SYT14: variants seen among roughly 807,000 people sequenced by gnomAD.
The protein encoded by SYT14 is synaptotagmin 14.
A neutral mutation model predicts 74.2 loss-of-function variants in SYT14; 32 were observed. The ratio of observed to expected loss-of-function variants is 0.43; its 90% CI spans 0.33 to 0.58. The LOEUF (loss-of-function observed/expected upper bound fraction) is 0.58, where lower values mean the gene tolerates loss of function less well. Ranked by LOEUF, SYT14 falls within the 20% of genes least tolerant of loss-of-function variation. SYT14 has a pLI of 0.05. For synonymous variants in SYT14, 298 were observed against 337.7 expected, an observed-to-expected ratio of 0.88 and a Z score of 1.29; for missense variants, 791 against 981.8, an observed-to-expected ratio of 0.81 and a Z score of 2.60.
intron 7 of SYT14, among the ~76,000 whole-genome samples, chr1:210,120,626 A>G (rs1165621129): frequency 1.3e-5 from 2 of 152,010 alleles, no homozygotes; most frequent in Non-Finnish European, 2.9e-5. Flanking sequence ...GTGTAAGTAC[A>G]CTCTATGATG....
rs1329438338 is a variant in SYT14, at chr1:210,157,328, G to A, written c.2224+1418G>A. 6.6e-5 allele frequency among the ~76,000 whole-genome samples: 10 copies of A among 151,934 alleles called. No homozygotes were observed. The East Asian group carries it at 1.6e-3, about 24-fold the overall frequency. ...ATGGTGGCTTGAGACTGTAGTGCCA[G>A]CTACTCAGGAGGGTGAGGTGGAAGG... On this transcript the variant is annotated intron_variant, in intron 8 of 9. Transcript: ENST00000637265.
chr1:210,031,121 G>A (rs1277881937), intron 5 of SYT14, among the ~76,000 whole-genome samples: 1 of 132,058 alleles, frequency 7.6e-6, no homozygotes, highest in East Asian at 2.3e-4. Flanking sequence ...GGTAGAGATT[G>A]GGGGTTTCTC....
At chr1:209,997,631 T>G (rs891359445) in intron 2 of SYT14, among the ~76,000 whole-genome samples, 6 of 152,066 alleles carry the variant, frequency 3.9e-5, no homozygotes, top group African/African-American at 1.4e-4. Flanking sequence ...AAATTTCGTA[T>G]GGAACGTTGG....
chr1:210,026,679 A>C (rs930381282), intron 5 of SYT14, among the ~76,000 whole-genome samples: 2 of 151,594 alleles, frequency 1.3e-5, no homozygotes, highest in African/African-American at 4.8e-5. Context: ...TGTTATAGCT[A>C]TATCACAAAC....
At chr1:210,146,396 C>T (rs2083035677) in intron 7 of SYT14, among the ~76,000 whole-genome samples, 1 of 151,990 alleles carries the variant, frequency 6.6e-6, no homozygotes, top group South Asian at 2.1e-4. Context: ...GAAGTCTGGT[C>T]ACAAATAAAA....
chr1:210,160,756 A>G (rs1486178569), exon 10 of SYT14: 8 of 1,613,778 alleles, frequency 5.0e-6, no homozygotes, highest in Non-Finnish European at 8.5e-7. Flanking sequence ...ACTCTACTGA[A>G]TTCCATGGGT....
chr1:210,036,396 C>T (rs2080662928), intron 5 of SYT14, among the ~76,000 whole-genome samples: 1 of 151,958 alleles, frequency 6.6e-6, no homozygotes, highest in Non-Finnish European at 1.5e-5. Context: ...ATTTGACTTA[C>T]TATTTTCCAG....
intron 9 of SYT14, 110 bp downstream of exon 8, chr1:210,159,587 A>G: frequency 2.3e-6 from 2 of 886,702 alleles, no homozygotes; most frequent in South Asian, 2.9e-5. Flanking sequence ...AAAACAATGC[A>G]CATTTATTAT....
chr1:210,104,161 G>A (rs2082119363), intron 7 of SYT14, among the ~76,000 whole-genome samples: 1 of 152,222 alleles, frequency 6.6e-6, no homozygotes, highest in Non-Finnish European at 1.5e-5. Context: ...AAATAGCTCT[G>A]CTGATGCAGA....
At chr1:210,022,292 A>G (rs560646167) in intron 5 of SYT14, among the ~76,000 whole-genome samples, 11 of 152,238 alleles carry the variant, frequency 7.2e-5, no homozygotes, top group Admixed American at 5.2e-4. Flanking sequence ...TATGTCTGCT[A>G]GTACACAGAT....
At chr1:210,070,657 C>T (rs2081375406) in intron 5 of SYT14, among the ~76,000 whole-genome samples, 2 of 152,030 alleles carry the variant, frequency 1.3e-5, no homozygotes, top group South Asian at 4.1e-4. Flanking sequence ...AAACAAATGC[C>T]CGTTGTTTAC....
intron 7 of SYT14, among the ~76,000 whole-genome samples, chr1:210,125,904 G>A (rs1256901155): frequency 6.6e-6 from 1 of 152,080 alleles, no homozygotes; most frequent in Non-Finnish European, 1.5e-5. Context: ...GTGGAAAGAG[G>A]TAAAGAAAGG....
At chr1:210,065,848 G>A (rs1205510043) in intron 5 of SYT14, among the ~76,000 whole-genome samples, 1 of 151,434 alleles carries the variant, frequency 6.6e-6, no homozygotes, top group South Asian at 2.1e-4. Context: ...TTAGCATTAG[G>A]TATATCTCCT....
At chr1:210,141,069 G>A (rs34633473) in intron 7 of SYT14, among the ~76,000 whole-genome samples, 2,489 of 150,132 alleles carry the variant, frequency 0.017, 32 homozygotes, top group Non-Finnish European at 0.027. Context: ...AAAAAAGAAG[G>A]CCATAGCAAT....
intron 5 of SYT14, among the ~76,000 whole-genome samples, chr1:210,036,642 A>C (rs1320469472): frequency 1.3e-5 from 2 of 151,992 alleles, no homozygotes; most frequent in Non-Finnish European, 2.9e-5. Context: ...TATCATGAAG[A>C]GATGCTGAAT....
At chr1:210,034,051 A>G (rs1333327105) in intron 5 of SYT14, among the ~76,000 whole-genome samples, 1 of 151,872 alleles carries the variant, frequency 6.6e-6, no homozygotes, top group Non-Finnish European at 1.5e-5. Context: ...CAATAGCTAT[A>G]ATTTATGAAT....
intron 4 of SYT14, 58 bp from the exon 4 acceptor site, chr1:210,020,981 G>T (rs1167385117): frequency 6.7e-7 from 1 of 1,482,046 alleles, no homozygotes; most frequent in Admixed American, 1.7e-5. Flanking sequence ...GTAGGGCCAG[G>T]TGAGGGGAGG....
chr1:209,953,572 CATT>C (rs2078946218), intron 2 of SYT14, among the ~76,000 whole-genome samples: 2 of 152,140 alleles, frequency 1.3e-5, no homozygotes, highest in South Asian at 4.1e-4. Context: ...GGAGCAGTGT[CATT>C]ATTTGTGATA....
chr1:210,115,988 G>C (rs912199429), intron 7 of SYT14, among the ~76,000 whole-genome samples: 5 of 151,056 alleles, frequency 3.3e-5, no homozygotes, highest in African/African-American at 4.9e-5. Flanking sequence ...GATTTGGGTG[G>C]GTAGTGGAAA....
Sources: gnomAD v4.1 joint callset for allele counts (sites outside exome capture counted in the v4.1 genomes callset) on GRCh38, gnomAD v4.1.1 for gene constraint, MANE v1.5 for transcripts, NCBI Gene and HGNC (gene_info 2026-07-23, HGNC 2026-07-21) for gene names.